HOXC4: variants seen among roughly 807,000 people sequenced by gnomAD.
HOXC4 encodes the protein homeobox C4, also known as homeobox protein Hox-C4.
HOXC4 carries 15 observed loss-of-function variants against 25.5 expected under a neutral mutation model. The observed-to-expected ratio is 0.59, with a 90% CI of 0.39 to 0.91. The LOEUF (loss-of-function observed/expected upper bound fraction) is 0.91. Ranked by LOEUF, HOXC4 falls within the 40% of genes least tolerant of loss-of-function variation. The pLI, the probability that HOXC4 is intolerant of heterozygous loss-of-function variation, is 0.00. For synonymous variants in HOXC4, 165 were observed against 148.0 expected, an observed-to-expected ratio of 1.11 and a Z score of -0.83; for missense variants, 342 against 352.4, an observed-to-expected ratio of 0.97 and a Z score of 0.24.
At chr12:54,027,571 T>C (rs1940777024) in intron 1 of HOXC4, among the ~76,000 whole-genome samples, 1 of 152,216 alleles carries the variant, frequency 6.6e-6, no homozygotes, top group Admixed American at 6.5e-5. Context: ...CTCTCTCTCT[T>C]TCTCTCTGTC....
chr12:54,051,442 C>A (rs966775386), upstream of HOXC4, among the ~76,000 whole-genome samples: 1 of 151,896 alleles, frequency 6.6e-6, no homozygotes, highest in South Asian at 2.1e-4. Context: ...CCCCACACAA[C>A]CCAAACCACT....
chr12:54,038,255 A>T (rs1297854219), intron 1 of HOXC4, among the ~76,000 whole-genome samples: 1 of 152,202 alleles, frequency 6.6e-6, no homozygotes, highest in Non-Finnish European at 1.5e-5. Context: ...CTGCAAGTCA[A>T]CTGGGGTAGA....
intron 1 of HOXC4, among the ~76,000 whole-genome samples, chr12:54,018,811 T>C (rs1018604514): frequency 2.0e-5 from 3 of 152,000 alleles, no homozygotes; most frequent in African/African-American, 4.8e-5. Flanking sequence ...GGGCCAGACT[T>C]ACCTTAATCT....
chr12:54,036,776 C>A (rs1438695569), intron 1 of HOXC4, among the ~76,000 whole-genome samples: 4 of 152,088 alleles, frequency 2.6e-5, no homozygotes, highest in African/African-American at 7.2e-5. Context: ...AGCAGTGAAG[C>A]GTGGAGAAGC....
intron 1 of HOXC4, chr12:54,033,249 T>C (rs760811906): frequency 1.8e-5 from 29 of 1,613,982 alleles, no homozygotes; most frequent in African/African-American, 5.3e-5. Context: ...CTACGGCGGA[T>C]TGGACTTAAG....
In HOXC4 at chr12:54,028,260, TA is replaced by T. The variant is rs1565740737; in HGVS notation, c.-124+10847del. ...CAGTTCCCTTACATATATATATATA[TA>T]TATATATTTTTTAAAAGAAATCCAA... On this transcript the variant is annotated intron_variant, in intron 1 of 3. Transcript: ENST00000303406. The T allele has an allele frequency of 2.8e-3, 467 of 165,642 alleles. 5 individuals carry two copies. Among genetic ancestry groups the T allele is most frequent in the African/African-American group, 0.011 (421 of 37,584 alleles). 10.3% of individuals were successfully genotyped at this position (165,642 alleles called of 1,614,324 possible). A position where few individuals can be genotyped will look rare whatever the true frequency, so the allele number is the denominator to read the frequency against.
intron 1 of HOXC4, chr12:54,021,909 C>G (rs960552914): frequency 6.6e-6 from 1 of 152,460 alleles, no homozygotes; most frequent in Admixed American, 6.5e-5. Context: ...ACTCCCTCCC[C>G]TTTCCAGCAA....
At chr12:54,034,123 G>A (rs1402674119) in intron 1 of HOXC4, 6 of 763,204 alleles carry the variant, frequency 7.9e-6, no homozygotes, top group African/African-American at 5.1e-5. Context: ...CCCGGGGCTG[G>A]GCTGGGCTGG....
intron 1 of HOXC4, among the ~76,000 whole-genome samples, chr12:54,037,624 C>G (rs1486803674): frequency 3.3e-5 from 5 of 152,208 alleles, no homozygotes; most frequent in Admixed American, 3.3e-4. Context: ...CCCTCTCCCC[C>G]CTCTCCACCC....
rs755580730 is a variant in HOXC4 at position 54,033,483 on chromosome 12, G to A, written c.-124+16069G>A. 211 of 1,594,758 alleles carry A rather than the reference G, an allele frequency of 1.3e-4. No individual in the cohort carries two copies. Among genetic ancestry groups the A allele is most frequent in the Non-Finnish European group, 1.7e-4 (201 of 1,173,514 alleles). The stretch of plus-strand genomic sequence containing the variant: ...TAAGAGCAGTGGGGAGATCAAAGAG[G>A]AGCAGGCGCAGACAGGGCAGCCCGC... On this transcript the variant is annotated intron_variant, in intron 1 of 3. Transcript: ENST00000303406.
chr12:54,021,347 A>C (rs1218705974), intron 1 of HOXC4: 1 of 152,334 alleles, frequency 6.6e-6, no homozygotes, highest in Non-Finnish European at 1.5e-5. Context: ...AGACCTGGTC[A>C]GGGAGACGGC....
chr12:54,035,129 C>G (rs1941153945), intron 1 of HOXC4: 1 of 154,256 alleles, frequency 6.5e-6, no homozygotes, highest in Admixed American at 6.4e-5. Context: ...CAGCCTGCGC[C>G]TGCTGCATGC....
In HOXC4 at chr12:54,053,842, C is replaced by G; in HGVS notation, c.-81C>G. 9.0e-7 allele frequency: 1 copy of G among 1,108,412 alleles called. No individual in the cohort carries two copies. Among genetic ancestry groups the G allele is most frequent in the Non-Finnish European group, 1.3e-6 (1 of 749,554 alleles). 68.7% of individuals were successfully genotyped at this position (1,108,412 alleles called of 1,614,324 possible). A position where few individuals can be genotyped will look rare whatever the true frequency, so the allele number is the denominator to read the frequency against. On this transcript the variant is annotated 5_prime_UTR_variant, in exon 1 of 2. Transcript: ENST00000430889. Reference sequence around the variant, plus strand: ...GAGTCACATGGTGAAAGTAACTTTACAGGGTCGCTAGCTAGTAGGAGGGCT... The same window carrying G: ...GAGTCACATGGTGAAAGTAACTTTAGAGGGTCGCTAGCTAGTAGGAGGGCT...
intron 1 of HOXC4, chr12:54,029,809 C>T: frequency 6.2e-7 from 1 of 1,613,958 alleles, no homozygotes; most frequent in Admixed American, 1.7e-5. Flanking sequence ...AGCGACAGAT[C>T]AAAATCTGGT....
At chr12:54,032,293 A>T (rs1238507042) in intron 1 of HOXC4, among the ~76,000 whole-genome samples, 1 of 151,976 alleles carries the variant, frequency 6.6e-6, no homozygotes, top group Admixed American at 6.6e-5. Flanking sequence ...TGACCCCCCT[A>T]TCTTGTTCTG....
At chr12:54,029,005 G>C in intron 1 of HOXC4, 1 of 1,317,518 alleles carries the variant, frequency 7.6e-7, no homozygotes, top group Non-Finnish European at 1.0e-6. Context: ...GGCGGAGAGA[G>C]TTTTTTATGG....
rs757049815 is a variant in HOXC4 at position 54,055,086 on chromosome 12, C to A, written c.676C>A (p.Pro226Thr). 26 of 1,613,360 alleles carry A rather than the reference C, an allele frequency of 1.6e-5. No individual in the cohort carries two copies. The Admixed American group carries it at 3.8e-4, about 24-fold the overall frequency. ...CCCCAACACCAAAGTCAGGTCAGCA[C>A]CCCCGGCCGGCGCTGCGCCCAGCAC... ...RLPNTKVRSA[P>T]PAGAAPSTLS... is the part of the protein sequence containing the mutation. Residue 226 changes from proline (P) to threonine (T), a missense_variant, in exon 2 of 2, where the codon CCC (proline) becomes ACC (threonine). By Grantham distance (38) the Pro-to-Thr change is conservative (BLOSUM62 -1). Coordinates refer to ENST00000430889, the MANE Select transcript of HOXC4 (RefSeq NM_153633.3).
chr12:54,055,005 C>T lies in HOXC4; in HGVS notation c.595C>T (p.Gln199Ter). 1.1e-5 allele frequency: 17 copies of T among 1,614,034 alleles called. No homozygotes were observed. The highest frequency in any genetic ancestry group is 1.4e-5 in the Non-Finnish European group (17 of 1,180,014). ...IAHSLCLSER[Q>*]IKIWFQNRRM... ...CCACTCGCTGTGCCTCTCTGAGAGG[C>T]AGATCAAAATCTGGTTCCAAAACCG... is the stretch of plus-strand genomic sequence containing the variant. Residue 199 changes from glutamine to a stop codon, truncating the protein, a stop_gained, in exon 2 of 2, where the codon CAG (glutamine) becomes TAG (stop). Transcript: ENST00000430889. LOFTEE classifies it high-confidence loss of function.
rs780850462 is a variant in HOXC4, at chr12:54,053,990, A to G, written c.68A>G (p.Tyr23Cys). 6 of 1,614,160 alleles carry G rather than the reference A, an allele frequency of 3.7e-6. No individual in the cohort carries two copies. In the South Asian group the frequency reaches 5.5e-5, roughly 15 times the overall value. ...CCGAAATTTCCTCCATGCGAAGAAT[A>G]TTCGCAAAATAGCTACATCCCTGAA... Reference protein sequence around the residue: ...IDPKFPPCEEYSQNSYIPEHS... With the variant: ...IDPKFPPCEECSQNSYIPEHS... The change falls in exon 1 of 2, where the codon TAT becomes TGT. Residue 23 changes from tyrosine (Y) to cysteine (C), a missense_variant. Coordinates refer to ENST00000430889, the MANE Select transcript of HOXC4 (RefSeq NM_153633.3).
Sources: gnomAD v4.1 joint callset for allele counts (sites outside exome capture counted in the v4.1 genomes callset) on GRCh38, gnomAD v4.1.1 for gene constraint, MANE v1.5 for transcripts, NCBI Gene and HGNC (gene_info 2026-07-23, HGNC 2026-07-21) for gene names.